A4GALT: variants seen among roughly 807,000 people sequenced by gnomAD.
A4GALT encodes lactosylceramide 4-alpha-galactosyltransferase.
For missense variants in A4GALT, 512 were observed against 486.0 expected, an observed-to-expected ratio of 1.05 and a Z score of -0.50; for synonymous variants, 257 against 220.7, an observed-to-expected ratio of 1.16 and a Z score of -1.46.
chr22:42,695,095 G>A, intron 2 of A4GALT: 1 of 152,266 alleles, frequency 6.6e-6, no homozygotes, highest in South Asian at 2.1e-4. Flanking sequence ...GCCTGGGAGA[G>A]GTGGCTAGCC....
rs765750050 is a variant in A4GALT at position 42,693,432 on chromosome 22, G to A, written c.520C>T (p.Leu174Phe). ...AGTGCGATCCTGGAGGCGTCGGAGA[G>A]CACGGGCAGCAGGTAGGGCTCCCAG... Reference protein sequence around the residue: ...GRWEPYLLPVLSDASRIALMW... With the variant: ...GRWEPYLLPVFSDASRIALMW... Residue 174 changes from leucine to phenylalanine, a missense_variant, in exon 3 of 3, where the codon CTC (leucine) becomes TTC (phenylalanine). Transcript: ENST00000642412. 5 of 1,613,316 alleles carry A rather than the reference G, an allele frequency of 3.1e-6. No homozygotes were observed. The South Asian group carries it at 5.5e-5, about 18-fold the overall frequency.
At chr22:42,720,051 G>A (rs917390999) in intron 1 of A4GALT, among the ~76,000 whole-genome samples, 4 of 152,170 alleles carry the variant, frequency 2.6e-5, no homozygotes, top group Non-Finnish European at 4.4e-5. Flanking sequence ...AAACGGGATG[G>A]GCGCTGGGAC....
intron 1 of A4GALT, among the ~76,000 whole-genome samples, chr22:42,704,521 A>G (rs973086708): frequency 6.6e-6 from 1 of 151,952 alleles, no homozygotes; most frequent in African/African-American, 2.4e-5. Context: ...AAAATTAAAA[A>G]AAAAAGAAGG....
chr22:42,714,274 C>CAAAAAAAAAAA lies in A4GALT; in HGVS notation c.-188+6512_-188+6522dup, dbSNP rs1163088658. Among the ~76,000 whole-genome samples the CAAAAAAAAAAA allele has an allele frequency of 6.8e-4, 11 of 16,162 alleles. 4 individuals are homozygous for CAAAAAAAAAAA. Among genetic ancestry groups the CAAAAAAAAAAA allele is most frequent in the Admixed American group, 1.3e-3 (1 of 762 alleles). 10.6% of individuals were successfully genotyped at this position (16,162 alleles called of 152,430 possible). On this transcript the variant is annotated intron_variant, in intron 1 of 2. Coordinates refer to ENST00000642412, the MANE Select transcript of A4GALT (RefSeq NM_017436.7). ...TGGGCAACAGAGCAAGACTCTGTCT[C>CAAAAAAAAAAA]AAAAAAAAAAAAAAAAAAAAAAAAA...
At chr22:42,703,106 C>CTGTGTGTGTGTGTGTG (rs3985930) in intron 1 of A4GALT, among the ~76,000 whole-genome samples, 2,174 of 134,042 alleles carry the variant, frequency 0.016, 36 homozygotes, top group Middle Eastern at 0.032. Context: ...TGCTGCCCCA[C>CTGTGTGTGTGTGTGTG]TGTGTGTGTG....
chr22:42,692,141 T>G lies in A4GALT; in HGVS notation c.*749A>C, dbSNP rs1930477150. ...CGAAGTGACAGTCGGTCACTTTTAT[T>G]CTATTGATTATTCTCCTGTGTTTAT... is the stretch of plus-strand genomic sequence containing the variant. On this transcript the variant is annotated 3_prime_UTR_variant, in exon 3 of 3. Transcript: ENST00000642412. The surrounding 1 kb of genome is among the most constrained non-coding windows in gnomAD (Gnocchi z 4.6). 6.1e-6 allele frequency: 1 copy of G among 165,096 alleles called. No homozygotes were observed. Among genetic ancestry groups the G allele is most frequent in the South Asian group, 1.5e-4 (1 of 6,678 alleles). The allele number at this position is 165,096 out of a possible 1,614,324, so 10.2% of individuals were successfully genotyped here. A position where few individuals can be genotyped will look rare whatever the true frequency, so the allele number is the denominator to read the frequency against.
intron 1 of A4GALT, among the ~76,000 whole-genome samples, chr22:42,707,425 G>T (rs1370922958): frequency 6.6e-6 from 1 of 151,876 alleles, no homozygotes; most frequent in East Asian, 1.9e-4. Flanking sequence ...AGAGGCCGAG[G>T]CAGTCGGATC....
intron 1 of A4GALT, among the ~76,000 whole-genome samples, chr22:42,716,771 A>G (rs1922218198): frequency 6.6e-6 from 1 of 152,204 alleles, no homozygotes; most frequent in Non-Finnish European, 1.5e-5. Context: ...TGGTAAGGTC[A>G]GGTAACAGTG....
At chr22:42,698,439 C>T (rs1226068438) in intron 1 of A4GALT, among the ~76,000 whole-genome samples, 1 of 152,200 alleles carries the variant, frequency 6.6e-6, no homozygotes, top group East Asian at 1.9e-4. Flanking sequence ...ACACAAATTG[C>T]ACCCCCACCT....
intron 1 of A4GALT, among the ~76,000 whole-genome samples, chr22:42,707,422 G>A (rs1490443757): frequency 2.6e-5 from 4 of 151,926 alleles, no homozygotes; most frequent in African/African-American, 7.3e-5. Flanking sequence ...TTGAGAGGCC[G>A]AGGCAGTCGG....
At chr22:42,704,494 TA>T (rs68069038) in intron 1 of A4GALT, among the ~76,000 whole-genome samples, 12,125 of 143,400 alleles carry the variant, frequency 0.085, 559 homozygotes, top group Non-Finnish European at 0.087. Context: ...ACTCAAAAAA[TA>T]AAAAAAATAA....
In A4GALT at chr22:42,705,664, C is replaced by T. The variant is rs1421708899; in HGVS notation, c.-187-10033G>A. ...TACTGGCACAAGACAAATACAAATT[C>T]GAATCCAAAATTACAGCATGAATTT... On this transcript the variant is annotated intron_variant, in intron 1 of 2. Transcript: ENST00000642412. 4.1e-5 allele frequency among the ~76,000 whole-genome samples: 5 copies of T among 122,558 alleles called. 2 individuals are homozygous for T. Among genetic ancestry groups the T allele is most frequent in the Non-Finnish European group, 7.6e-5 (4 of 52,660 alleles). The allele number at this position is 122,558 out of a possible 152,430, so 80.4% of individuals were successfully genotyped here. A position where few individuals can be genotyped will look rare whatever the true frequency, so the allele number is the denominator to read the frequency against.
intron 1 of A4GALT, among the ~76,000 whole-genome samples, chr22:42,707,372 C>T (rs1921240068): frequency 6.6e-6 from 1 of 151,850 alleles, no homozygotes; most frequent in African/African-American, 2.4e-5. Flanking sequence ...ATAAAAACAC[C>T]AGGCTGGGCA....
Position 42,696,121 on chromosome 22 carries a change from C to CAAAAAA in A4GALT, c.-187-496_-187-491dup, listed in dbSNP as rs1296048741. Among the ~76,000 whole-genome samples, 11 of 53,910 alleles carry CAAAAAA rather than the reference C, an allele frequency of 2.0e-4. 3 individuals are homozygous for CAAAAAA. The highest frequency in any genetic ancestry group is 9.2e-4 in the South Asian group (1 of 1,084). The allele number at this position is 53,910 out of a possible 152,430, so 35.4% of individuals were successfully genotyped here. A position where few individuals can be genotyped will look rare whatever the true frequency, so the allele number is the denominator to read the frequency against. On this transcript the variant is annotated intron_variant, in intron 1 of 2. Transcript: ENST00000642412. The stretch of plus-strand genomic sequence containing the variant: ...TGGGTGACAGAGCCAGACTCTATCT[C>CAAAAAA]AAAAAAAAAAAAAAAAAAGCCAGGC...
At position 42,709,537 on chromosome 22, in the gene A4GALT, C is replaced by G. The variant is rs1275225768; in HGVS notation, c.-188+11260G>C. On this transcript the variant is annotated intron_variant, in intron 1 of 2. Coordinates refer to ENST00000642412, the MANE Select transcript of A4GALT (RefSeq NM_017436.7). ...AAGTACGGTGGCTCGTGCCTGTAAT[C>G]CCAGCAGTTTGGGAGGCTAAGGCAG... Among the ~76,000 whole-genome samples the G allele has an allele frequency of 2.0e-5, 3 of 151,874 alleles. No individual in the cohort carries two copies. In the East Asian group the frequency reaches 5.8e-4, roughly 29 times the overall value.
intron 1 of A4GALT, among the ~76,000 whole-genome samples, chr22:42,698,021 T>G (rs130399): frequency 6.6e-6 from 1 of 151,916 alleles, no homozygotes; most frequent in Non-Finnish European, 1.5e-5. Context: ...GAGGCTGAGG[T>G]GGGCGGATCA....
intron 1 of A4GALT, among the ~76,000 whole-genome samples, chr22:42,708,420 G>T (rs1480625110): frequency 1.3e-5 from 2 of 151,712 alleles, no homozygotes; most frequent in Non-Finnish European, 2.9e-5. Context: ...GTGTGTACCT[G>T]CAGTGCCAGC....
chr22:42,700,298 T>G (rs1421124927), intron 1 of A4GALT, among the ~76,000 whole-genome samples: 1 of 152,180 alleles, frequency 6.6e-6, no homozygotes. Flanking sequence ...CAGATACTGA[T>G]GAGATGAGGA....
intron 1 of A4GALT, among the ~76,000 whole-genome samples, chr22:42,712,773 G>A (rs921299627): frequency 6.6e-6 from 1 of 152,294 alleles, no homozygotes; most frequent in South Asian, 2.1e-4. Flanking sequence ...GCTGGGCGTG[G>A]TGGCGGAAGC....
Sources: allele counts gnomAD v4.1 joint callset (sites outside exome capture counted in the v4.1 genomes callset), GRCh38; gene constraint gnomAD v4.1.1; non-coding constraint Gnocchi (gnomAD v3.1); transcripts MANE v1.5; gene names NCBI Gene and HGNC (gene_info 2026-07-23, HGNC 2026-07-21).